Variants in MAN2B2 observed in about 807,000 individuals in gnomAD.
MAN2B2 encodes mannosidase alpha class 2B member 2.
A neutral mutation model predicts 117.1 loss-of-function variants in MAN2B2; 106 were observed. The observed-to-expected ratio is 0.90, with a 90% CI of 0.77 to 1.06. MAN2B2 has a LOEUF of 1.06. Ranked by LOEUF, MAN2B2 falls within the 50% of genes least tolerant of loss-of-function variation. MAN2B2 has a pLI of 0.00. For missense variants in MAN2B2, 1,326 were observed against 1,381.4 expected (o/e 0.96, Z 0.64); for synonymous variants, 544 against 595.1 (o/e 0.91, Z 1.25).
intron 3 of MAN2B2, among the ~76,000 whole-genome samples, chr4:6,579,174 C>CCAT (rs1726253680): frequency 1.3e-5 from 1 of 79,434 alleles, no homozygotes; most frequent in Non-Finnish European, 2.8e-5. Context: ...ACCACCACCA[C>CCAT]CACCATCACC....
At chr4:6,594,850 G>A in intron 7 of MAN2B2, 118 bp downstream of exon 7, 1 of 1,120,710 alleles carries the variant, frequency 8.9e-7, no homozygotes, top group South Asian at 1.4e-5. Flanking sequence ...AGGGGTTCCA[G>A]GCAGGTTCTG....
Position 6,611,218 on chromosome 4 carries a change from C to T in MAN2B2, c.2503C>T (p.Arg835Cys), listed in dbSNP as rs778543579. The change falls in exon 15 of 19, where the codon CGC (arginine) becomes TGC (cysteine). Residue 835 changes from arginine to cysteine, a missense_variant. Transcript: ENST00000285599. ...ATCCTGGTCCCTCACCACTGCCCTG[C>T]GCCAGAGGAGCGCACTGGCGCTGCA... is the stretch of plus-strand genomic sequence containing the variant. ...LGSWSLTTAL[R>C]QRSALALQHR... The T allele has an allele frequency of 1.2e-5, 19 of 1,613,752 alleles. No individual in the cohort carries two copies. The highest frequency in any genetic ancestry group is 6.7e-5 in the East Asian group (3 of 44,874).
Position 6,614,374 on chromosome 4 carries a change from C to CAG in MAN2B2, c.2701+19_2701+20insAG. 1 of 1,610,332 alleles carries CAG rather than the reference C, an allele frequency of 6.2e-7. No individual in the cohort carries two copies. The highest frequency in any genetic ancestry group is 8.5e-7 in the Non-Finnish European group (1 of 1,177,454). On this transcript the variant is annotated intron_variant, in intron 16 of 18. Transcript: ENST00000285599. ...CGGAAAGGTGAGGCAGGTGCCCTGGCGTCTCAGACCTGCTCCTCCCTCCCT... is the reference window on the plus strand; with the variant it reads ...CGGAAAGGTGAGGCAGGTGCCCTGGCAGGTCTCAGACCTGCTCCTCCCTCCCT...
Position 6,611,196 on chromosome 4 carries a change from C to G in MAN2B2, c.2481C>G (p.Ser827=). 1 of 1,613,974 alleles carries G rather than the reference C, an allele frequency of 6.2e-7. No homozygotes were observed. Residue 827 remains serine (S), a synonymous_variant, in exon 15 of 19, where the codon TCC becomes TCG. Coordinates refer to ENST00000285599, the MANE Select transcript of MAN2B2 (RefSeq NM_015274.3). ...CAGTGCTCTGGCTTCTGCTGGGATC[C>G]TGGTCCCTCACCACTGCCCTGCGCC... ...VHPVLWLLLG[S]WSLTTALRQR...
At chr4:6,584,495 A>G (rs1406425121) in intron 3 of MAN2B2, among the ~76,000 whole-genome samples, 1 of 152,248 alleles carries the variant, frequency 6.6e-6, no homozygotes, top group Non-Finnish European at 1.5e-5. Flanking sequence ...ATCAGGAAGT[A>G]CTAGACTGTG....
intron 5 of MAN2B2, among the ~76,000 whole-genome samples, chr4:6,590,220 A>G (rs1411959635): frequency 6.6e-6 from 1 of 151,940 alleles, no homozygotes; most frequent in African/African-American, 2.4e-5. Flanking sequence ...GAAAATACAA[A>G]AAAAGAAAAA....
At chr4:6,596,466 G>C (rs1034757225) in intron 7 of MAN2B2, among the ~76,000 whole-genome samples, 3 of 152,148 alleles carry the variant, frequency 2.0e-5, no homozygotes, top group Non-Finnish European at 2.9e-5. Context: ...AAAAGCAATA[G>C]GAAGCTCCCT....
chr4:6,579,144 CCACCACCATCACCAT>C (rs1726240701), intron 3 of MAN2B2, among the ~76,000 whole-genome samples: 1 of 72,940 alleles, frequency 1.4e-5, no homozygotes, highest in Non-Finnish European at 3.0e-5. Context: ...ACCACCATCA[CCACCACCATCACCAT>C]CACCACCACC....
intron 10 of MAN2B2, 25 bp from the exon 11 acceptor site, chr4:6,605,030 A>G: frequency 1.9e-6 from 3 of 1,597,630 alleles, no homozygotes. Flanking sequence ...GACAGTTAAC[A>G]AGTCTCATCC....
chr4:6,580,666 C>T (rs769604584), intron 3 of MAN2B2, among the ~76,000 whole-genome samples: 10 of 152,174 alleles, frequency 6.6e-5, no homozygotes, highest in Non-Finnish European at 8.8e-5. Context: ...CCCACTTAAC[C>T]GCTGAACCTC....
chr4:6,602,645 A>T (rs1018847977), intron 10 of MAN2B2, among the ~76,000 whole-genome samples: 8 of 151,646 alleles, frequency 5.3e-5, no homozygotes, highest in Non-Finnish European at 8.8e-5. Context: ...TACACTTTTT[A>T]AAACAATTTT....
At chr4:6,579,541 A>G (rs1029533461) in intron 3 of MAN2B2, among the ~76,000 whole-genome samples, 2 of 148,674 alleles carry the variant, frequency 1.3e-5, no homozygotes, top group Admixed American at 6.7e-5. Flanking sequence ...CACCACTGCT[A>G]TGACCACCAC....
intron 9 of MAN2B2, among the ~76,000 whole-genome samples, chr4:6,600,083 T>A (rs1279374492): frequency 1.3e-5 from 2 of 151,772 alleles, no homozygotes; most frequent in African/African-American, 4.8e-5. Flanking sequence ...GATCCAGGAG[T>A]TCTCAGGTGT....
chr4:6,621,222 C>T lies in MAN2B2; in HGVS notation c.2967C>T (p.Gly989=). 6.2e-7 allele frequency: 1 copy of T among 1,614,056 alleles called. No homozygotes were observed. The highest frequency in any genetic ancestry group is 8.5e-7 in the Non-Finnish European group (1 of 1,179,968). ...DTTSPSRPPG[G]PIITVHPKEI... ...CCTCTCCCTCGAGGCCACCAGGAGG[C>T]CCCATCATCACCGTCCACCCAAAGG... is the stretch of plus-strand genomic sequence containing the variant. The change falls in exon 19 of 19, where the codon GGC becomes GGT. Residue 989 remains glycine (G), a synonymous_variant. Transcript: ENST00000285599.
intron 16 of MAN2B2, 69 bp downstream of exon 16, chr4:6,614,424 C>T (rs111952906): frequency 1.9e-6 from 3 of 1,567,904 alleles, no homozygotes; most frequent in African/African-American, 2.7e-5. Context: ...ACCGGGCCCA[C>T]CACCAGACAG....
intron 10 of MAN2B2, 114 bp downstream of exon 10, chr4:6,600,870 AG>A: frequency 1.5e-6 from 2 of 1,316,182 alleles, no homozygotes; most frequent in South Asian, 2.9e-5. Context: ...TTTGTTTTAC[AG>A]AAGAGGAAAC....
intron 9 of MAN2B2, among the ~76,000 whole-genome samples, chr4:6,599,768 C>T (rs1020313139): frequency 6.6e-6 from 1 of 152,158 alleles, no homozygotes; most frequent in Non-Finnish European, 1.5e-5. Context: ...ACTGCCCTAG[C>T]ATCTAACATG....
intron 4 of MAN2B2, among the ~76,000 whole-genome samples, chr4:6,588,788 G>T (rs1726745521): frequency 6.6e-6 from 1 of 152,198 alleles, no homozygotes; most frequent in Admixed American, 6.5e-5. Flanking sequence ...TTCAAGCAGA[G>T]TTAGAAGGTG....
intron 11 of MAN2B2, among the ~76,000 whole-genome samples, chr4:6,607,130 G>A (rs934315102): frequency 7.2e-5 from 11 of 152,124 alleles, no homozygotes; most frequent in Non-Finnish European, 1.5e-4. Context: ...CTGTCTATAT[G>A]GATTTACCTG....
Sources: allele counts gnomAD v4.1 joint callset (sites outside exome capture counted in the v4.1 genomes callset), GRCh38; gene constraint gnomAD v4.1.1; transcripts MANE v1.5; gene names NCBI Gene and HGNC (gene_info 2026-07-23, HGNC 2026-07-21).